The following RBM25 variants were observed in gnomAD, a reference collection of about 807,000 sequenced individuals.
RBM25 encodes RNA binding motif protein 25.
A neutral mutation model predicts 120.7 loss-of-function variants in RBM25; 19 were observed. The observed-to-expected ratio is 0.16, with a 90% CI of 0.11 to 0.23. The LOEUF is 0.23. Ranked by LOEUF, RBM25 falls within the 10% of genes least tolerant of loss-of-function variation. The probability of loss-of-function intolerance (pLI) is 1.00; values close to 1 mark genes in which losing one functional copy is unlikely to be tolerated. For synonymous variants in RBM25, 390 were observed against 326.7 expected (o/e 1.19, Z -2.09); for missense variants, 605 against 1,041.5 (o/e 0.58, Z 5.77).
chr14:73,061,933 A>C (rs1895014668), intron 1 of RBM25, among the ~76,000 whole-genome samples: 1 of 151,364 alleles, frequency 6.6e-6, no homozygotes. Flanking sequence ...GGCTATTCAC[A>C]GGCGTAATCC....
intron 2 of RBM25, 111 bp downstream of exon 2, chr14:73,071,858 C>T (rs1895301284): frequency 7.5e-6 from 6 of 804,742 alleles, no homozygotes; most frequent in African/African-American, 1.8e-5. Context: ...TGCCTCTCAG[C>T]GTTGTTTGGG....
At chr14:73,090,169 G>T (rs1895779310) in intron 6 of RBM25, among the ~76,000 whole-genome samples, 1 of 151,842 alleles carries the variant, frequency 6.6e-6, no homozygotes, top group Admixed American at 6.6e-5. Flanking sequence ...TCCTGCTTTG[G>T]CCTACCGAGT....
chr14:73,106,117 G>A (rs362429), intron 11 of RBM25, 36 bp downstream of exon 11: 274,558 of 1,594,014 alleles, frequency 0.17, 25,378 homozygotes, highest in South Asian at 0.24. Context: ...TTAAATCTTG[G>A]TATCCCTTAA....
At chr14:73,087,892 A>T in intron 5 of RBM25, 109 bp from the exon 6 acceptor site, 1 of 1,033,572 alleles carries the variant, frequency 9.7e-7, no homozygotes, top group Non-Finnish European at 1.4e-6. Flanking sequence ...TTATGAATTG[A>T]GTGGTCTTTG....
chr14:73,103,942 TCTCTCTCACACACACACACACA>T (rs1292055507), intron 10 of RBM25, among the ~76,000 whole-genome samples: 45 of 43,636 alleles, frequency 1.0e-3, no homozygotes, highest in African/African-American at 5.1e-3. Flanking sequence ...TCTCTCTCTC[TCTCTCTCACACACACACACACA>T]CACACACACA....
chr14:73,061,579 A>G (rs1353296504), intron 1 of RBM25, among the ~76,000 whole-genome samples: 1 of 150,656 alleles, frequency 6.6e-6, no homozygotes, highest in Non-Finnish European at 1.5e-5. Context: ...TTTTTGTTTT[A>G]TTTGGTTTTT....
chr14:73,080,241 T>TTTTTTTTTTTG (rs1895527857), intron 4 of RBM25, among the ~76,000 whole-genome samples: 1 of 134,624 alleles, frequency 7.4e-6, no homozygotes, highest in African/African-American at 2.9e-5. Context: ...TTTTTTTTTT[T>TTTTTTTTTTTG]GAGATGGAGT....
chr14:73,105,421 GT>G (rs1896164461), intron 10 of RBM25, among the ~76,000 whole-genome samples: 1 of 152,122 alleles, frequency 6.6e-6, no homozygotes. Flanking sequence ...TTTTCCACAT[GT>G]GCCAGCACTT....
At chr14:73,070,799 T>G (rs1212148207) in intron 1 of RBM25, among the ~76,000 whole-genome samples, 1 of 151,404 alleles carries the variant, frequency 6.6e-6, no homozygotes, top group Non-Finnish European at 1.5e-5. Flanking sequence ...AGATAAAAAT[T>G]AGCTGGGCGT....
intron 3 of RBM25, among the ~76,000 whole-genome samples, chr14:73,076,755 T>C (rs1376755317): frequency 1.3e-5 from 2 of 152,202 alleles, no homozygotes; most frequent in African/African-American, 4.8e-5. Context: ...ATTAAAATTT[T>C]GAAATGAAAT....
chr14:73,114,485 G>C, intron 18 of RBM25, 152 bp downstream of exon 18: 1 of 510,544 alleles, frequency 2.0e-6, no homozygotes, highest in East Asian at 3.4e-5. Flanking sequence ...GCCTCCCAAA[G>C]TGTTGAGATT....
chr14:73,104,371 ATT>A (rs535410003), intron 10 of RBM25, among the ~76,000 whole-genome samples: 3 of 142,496 alleles, frequency 2.1e-5, no homozygotes, highest in African/African-American at 7.7e-5. Flanking sequence ...AATTATATTG[ATT>A]TTTTTTTTTT....
intron 10 of RBM25, among the ~76,000 whole-genome samples, chr14:73,105,080 G>C (rs189973963): frequency 1.3e-5 from 1 of 79,104 alleles, no homozygotes; most frequent in Admixed American, 1.1e-4. Flanking sequence ...TATTTGATTA[G>C]ATCCTTGGTA....
chr14:73,077,783 T>TG lies in RBM25; in HGVS notation c.324+249dup, dbSNP rs946364445. The stretch of plus-strand genomic sequence containing the variant: ...TCTTGGATAATTTGAAAGTAAATTG[T>TG]GGCATAACATTTCACCTGTGAATCC... On this transcript the variant is annotated intron_variant, in intron 4 of 18. Transcript: ENST00000261973. 2.0e-5 allele frequency among the ~76,000 whole-genome samples: 3 copies of TG among 152,250 alleles called. No homozygotes were observed. In the East Asian group the frequency reaches 5.8e-4, roughly 29 times the overall value.
intron 1 of RBM25, chr14:73,059,430 G>C (rs1467770806): frequency 6.6e-6 from 1 of 152,076 alleles, no homozygotes; most frequent in Non-Finnish European, 1.5e-5. Context: ...TTTTTCTTTG[G>C]TCGTCAATCC....
At chr14:73,091,638 G>A (rs1313503798) in intron 6 of RBM25, among the ~76,000 whole-genome samples, 1 of 152,060 alleles carries the variant, frequency 6.6e-6, no homozygotes, top group African/African-American at 2.4e-5. Flanking sequence ...TTGGGAGGCC[G>A]AGGTCGGAGG....
chr14:73,100,200 A>T, intron 9 of RBM25: 2 of 561,880 alleles, frequency 3.6e-6, no homozygotes, highest in South Asian at 4.6e-5. Flanking sequence ...GATTTTAAAC[A>T]GTAGGTCAGT....
At chr14:73,117,228 T>C (rs1356911468) in intron 18 of RBM25, among the ~76,000 whole-genome samples, 10 of 120,898 alleles carry the variant, frequency 8.3e-5, no homozygotes, top group Non-Finnish European at 1.7e-4. Context: ...TTTTTTTTTT[T>C]TTTTTTTTTT....
At chr14:73,109,315 G>GTAA in intron 13 of RBM25, 27 bp from the exon 14 acceptor site, 1 of 1,601,194 alleles carries the variant, frequency 6.2e-7, no homozygotes, top group Non-Finnish European at 8.5e-7. Flanking sequence ...AGTATTAAAT[G>GTAA]AAGCCTTTTA....
Sources: gnomAD v4.1 joint callset for allele counts (sites outside exome capture counted in the v4.1 genomes callset) on GRCh38, gnomAD v4.1.1 for gene constraint, MANE v1.5 for transcripts, NCBI Gene and HGNC (gene_info 2026-07-23, HGNC 2026-07-21) for gene names.